SVIL: variants seen among roughly 807,000 people sequenced by gnomAD.
The protein encoded by SVIL is archvillin.
In SVIL, 101 loss-of-function variants were observed where a neutral mutation model predicts 240.4. That is an observed-to-expected ratio of 0.42 (90% CI 0.36 to 0.50). The LOEUF is 0.50. Ranked by LOEUF, SVIL falls within the 20% of genes least tolerant of loss-of-function variation. The pLI, the probability that SVIL is intolerant of heterozygous loss-of-function variation, is 0.01. For synonymous variants in SVIL, 999 were observed against 1,100.0 expected, an observed-to-expected ratio of 0.91 and a Z score of 1.82; for missense variants, 2,512 against 2,818.7, an observed-to-expected ratio of 0.89 and a Z score of 2.46.
At chr10:29,552,136 A>C (rs1195682899) in intron 5 of SVIL, among the ~76,000 whole-genome samples, 10 of 150,240 alleles carry the variant, frequency 6.7e-5, no homozygotes, top group African/African-American at 2.5e-4. Context: ...AAACAAAAAA[A>C]AAAACCTATC....
At chr10:29,634,065 A>C (rs1246219670) in intron 1 of SVIL, among the ~76,000 whole-genome samples, 1 of 152,214 alleles carries the variant, frequency 6.6e-6, no homozygotes, top group African/African-American at 2.4e-5. Context: ...TACGATTATT[A>C]AAGTACGTTG....
intron 17 of SVIL, among the ~76,000 whole-genome samples, chr10:29,506,699 C>T (rs1351436806): frequency 1.8e-4 from 25 of 139,670 alleles, no homozygotes; most frequent in African/African-American, 3.5e-4. Flanking sequence ...GGACAGAGGC[C>T]CTACGAGGGA....
chr10:29,538,846 A>G (rs1951929065), intron 6 of SVIL, among the ~76,000 whole-genome samples: 1 of 152,228 alleles, frequency 6.6e-6, no homozygotes, highest in Non-Finnish European at 1.5e-5. Context: ...CATCTGTAAA[A>G]TAAATACAAA....
intron 17 of SVIL, among the ~76,000 whole-genome samples, chr10:29,509,230 T>G (rs2132474969): frequency 6.7e-6 from 1 of 150,310 alleles, no homozygotes; most frequent in East Asian, 2.0e-4. Flanking sequence ...CAGGTTAGCC[T>G]GGCCTAGACT....
chr10:29,652,605 G>C (rs1055783536), intron 3 of SVIL, among the ~76,000 whole-genome samples: 1 of 152,102 alleles, frequency 6.6e-6, no homozygotes, highest in African/African-American at 2.4e-5. Flanking sequence ...TGGATATATT[G>C]GGTTATAAAA....
chr10:29,533,678 C>T (rs955061465), intron 7 of SVIL, among the ~76,000 whole-genome samples: 1 of 152,142 alleles, frequency 6.6e-6, no homozygotes, highest in Non-Finnish European at 1.5e-5. Flanking sequence ...ACTAACTCTA[C>T]CCCTGTAAAA....
chr10:29,531,959 T>C (rs1951399748), intron 9 of SVIL, 43 bp downstream of exon 9: 1 of 1,606,808 alleles, frequency 6.2e-7, no homozygotes, highest in Non-Finnish European at 8.5e-7. Flanking sequence ...CCTGTGTCAT[T>C]GCCACGTTCC....
At position 29,488,492 on chromosome 10, in the gene SVIL, T is replaced by C. The variant is rs542955804; in HGVS notation, c.4348+109A>G. On this transcript the variant is annotated intron_variant, in intron 23 of 37. Transcript: ENST00000355867. The stretch of plus-strand genomic sequence containing the variant: ...GAACACACAATAAGTTCTCAAAAAG[T>C]GTGCGTTCCTTTCCCGGCACAGGCA... 79 of 1,277,912 alleles carry C rather than the reference T, an allele frequency of 6.2e-5. No individual in the cohort carries two copies. In the South Asian group the frequency reaches 1.3e-3, roughly 22 times the overall value. The allele number at this position is 1,277,912 out of a possible 1,614,324, so 79.2% of individuals were successfully genotyped here.
chr10:29,567,483 T>C (rs1003371599), intron 2 of SVIL, among the ~76,000 whole-genome samples: 1 of 152,204 alleles, frequency 6.6e-6, no homozygotes, highest in Non-Finnish European at 1.5e-5. Context: ...CTCTTGTACC[T>C]CCAGCCCATT....
chr10:29,685,501 T>C (rs12263059), intron 2 of SVIL, among the ~76,000 whole-genome samples: 13,205 of 152,314 alleles, frequency 0.087, 717 homozygotes, highest in East Asian at 0.15. Flanking sequence ...ATTGTCACAC[T>C]GCTTTCCACG....
chr10:29,725,410 C>CT (rs1964233457), intron 1 of SVIL, among the ~76,000 whole-genome samples: 1 of 152,104 alleles, frequency 6.6e-6, no homozygotes, highest in East Asian at 1.9e-4. Context: ...GCCTTGCAAT[C>CT]CTTAAAAGGC....
chr10:29,691,447 G>C (rs562997413), intron 1 of SVIL, among the ~76,000 whole-genome samples: 1 of 152,088 alleles, frequency 6.6e-6, no homozygotes, highest in Non-Finnish European at 1.5e-5. Context: ...TCCTGACCTC[G>C]TGATCCACCC....
At chr10:29,575,608 C>T (rs1168412588) in intron 1 of SVIL, among the ~76,000 whole-genome samples, 1 of 152,340 alleles carries the variant, frequency 6.6e-6, no homozygotes, top group Non-Finnish European at 1.5e-5. Flanking sequence ...CTCTCTTTCT[C>T]TCACTGGATG....
At chr10:29,460,844 G>A (rs991360612) in intron 36 of SVIL, among the ~76,000 whole-genome samples, 3 of 152,170 alleles carry the variant, frequency 2.0e-5, no homozygotes, top group Non-Finnish European at 4.4e-5. Context: ...GCTGGAGGCT[G>A]CAGTGAGCTG....
At chr10:29,623,891 G>A (rs2132925307) in intron 1 of SVIL, among the ~76,000 whole-genome samples, 1 of 152,242 alleles carries the variant, frequency 6.6e-6, no homozygotes, top group African/African-American at 2.4e-5. Context: ...ATTTGCCATG[G>A]TGGTCCCTTA....
chr10:29,590,786 T>C (rs981332986), intron 1 of SVIL, among the ~76,000 whole-genome samples: 4 of 152,202 alleles, frequency 2.6e-5, no homozygotes, highest in African/African-American at 9.7e-5. Flanking sequence ...TATCCACATC[T>C]AAGAGTATCA....
intron 29 of SVIL, among the ~76,000 whole-genome samples, chr10:29,477,352 A>T (rs576177604): frequency 1.3e-5 from 2 of 152,390 alleles, no homozygotes; most frequent in African/African-American, 4.8e-5. Context: ...CTAGACATCT[A>T]TCAGGCCCTG....
At chr10:29,697,627 T>G (rs1435531365) in intron 1 of SVIL, among the ~76,000 whole-genome samples, 1 of 125,922 alleles carries the variant, frequency 7.9e-6, no homozygotes, top group East Asian at 2.2e-4. Context: ...AGCAGGCTCC[T>G]TAAGAGTCAT....
chr10:29,731,879 G>A (rs151259165), intron 1 of SVIL, among the ~76,000 whole-genome samples: 304 of 152,336 alleles, frequency 2.0e-3, no homozygotes, highest in African/African-American at 7.2e-3. Flanking sequence ...TCCCATATGC[G>A]AAGAAGTTGT....
Sources: gnomAD v4.1 joint callset for allele counts (sites outside exome capture counted in the v4.1 genomes callset) on GRCh38, gnomAD v4.1.1 for gene constraint, MANE v1.5 for transcripts, NCBI Gene and HGNC (gene_info 2026-07-23, HGNC 2026-07-21) for gene names.